STX8: variants seen among roughly 807,000 people sequenced by gnomAD.
The protein encoded by STX8 is syntaxin 8.
Under a neutral mutation model 37.5 loss-of-function variants are expected in STX8, and 23 were observed. The ratio of observed to expected loss-of-function variants is 0.61; its 90% CI spans 0.44 to 0.87. STX8 has a LOEUF of 0.87. STX8 is among the 40% of genes least tolerant of loss of function. STX8 has a pLI of 0.00. For synonymous variants in STX8, 115 were observed against 99.1 expected (o/e 1.16, Z -0.95); for missense variants, 313 against 284.7 (o/e 1.10, Z -0.71).
intron 7 of STX8, among the ~76,000 whole-genome samples, chr17:9,288,886 T>A (rs1369716746): frequency 6.6e-6 from 1 of 151,998 alleles, no homozygotes; most frequent in Non-Finnish European, 1.5e-5. Context: ...ATGAAAGCTA[T>A]AAGAAAATGT....
intron 6 of STX8, among the ~76,000 whole-genome samples, chr17:9,391,521 C>T (rs1481861389): frequency 6.6e-6 from 1 of 151,988 alleles, no homozygotes; most frequent in East Asian, 1.9e-4. Context: ...TACACACACA[C>T]ACTCATGCAG....
intron 6 of STX8, among the ~76,000 whole-genome samples, chr17:9,448,434 C>G (rs918403618): frequency 1.3e-5 from 2 of 152,184 alleles, no homozygotes; most frequent in African/African-American, 2.4e-5. Flanking sequence ...TGTGTTTAGT[C>G]TTTCACATTT....
intron 7 of STX8, among the ~76,000 whole-genome samples, chr17:9,368,287 G>C (rs1014580526): frequency 1.3e-5 from 2 of 152,022 alleles, no homozygotes; most frequent in Non-Finnish European, 2.9e-5. Flanking sequence ...GGCCAATCAC[G>C]AGGTCAGGAG....
intron 6 of STX8, among the ~76,000 whole-genome samples, chr17:9,455,274 C>T (rs12941612): frequency 0.15 from 22,920 of 151,486 alleles, 1,921 homozygotes; most frequent in Middle Eastern, 0.22. Flanking sequence ...CCGAGGTGGG[C>T]GGATCATGAG....
intron 7 of STX8, among the ~76,000 whole-genome samples, chr17:9,273,617 C>T (rs751614205): frequency 5.3e-5 from 8 of 152,234 alleles, no homozygotes; most frequent in African/African-American, 7.2e-5. Context: ...TTCCTCATGG[C>T]GCTACGCAGG....
At chr17:9,506,563 CA>C (rs1424979382) in intron 4 of STX8, among the ~76,000 whole-genome samples, 1 of 152,126 alleles carries the variant, frequency 6.6e-6, no homozygotes, top group Non-Finnish European at 1.5e-5. Context: ...TGAAGGCCCC[CA>C]GCCTCTGTGG....
At chr17:9,355,605 C>A (rs756731498) in intron 7 of STX8, among the ~76,000 whole-genome samples, 1 of 151,292 alleles carries the variant, frequency 6.6e-6, no homozygotes, top group Non-Finnish European at 1.5e-5. Context: ...CGAGTTCAAG[C>A]GATTCTCCTG....
In STX8 at chr17:9,428,169, A is replaced by T. The variant is rs147682368; in HGVS notation, c.542-49516T>A. Among the ~76,000 whole-genome samples the T allele has an allele frequency of 7.9e-3, 1,201 of 152,306 alleles. 8 individuals are homozygous for T. Among genetic ancestry groups the T allele is most frequent in the Non-Finnish European group, 0.013 (865 of 68,016 alleles). On this transcript the variant is annotated intron_variant, in intron 6 of 7. Coordinates refer to ENST00000306357, the MANE Select transcript of STX8 (RefSeq NM_004853.3). ...AGGGGGTAGTCATCCTGTGAGAGGTAAATTCTCTTGACATCCATGACAATT... is the reference window on the plus strand; with the variant it reads ...AGGGGGTAGTCATCCTGTGAGAGGTTAATTCTCTTGACATCCATGACAATT...
intron 7 of STX8, among the ~76,000 whole-genome samples, chr17:9,332,780 C>T (rs1036709870): frequency 3.3e-5 from 5 of 152,126 alleles, no homozygotes; most frequent in Non-Finnish European, 5.9e-5. Context: ...TTTACTATCT[C>T]GATTCCCTCC....
intron 7 of STX8, among the ~76,000 whole-genome samples, chr17:9,263,538 T>C (rs1254037505): frequency 6.6e-6 from 1 of 152,188 alleles, no homozygotes; most frequent in Non-Finnish European, 1.5e-5. Context: ...TAATTTGTCT[T>C]AAATGTCTTT....
At chr17:9,460,069 C>T (rs1044740113) in intron 6 of STX8, among the ~76,000 whole-genome samples, 1 of 152,136 alleles carries the variant, frequency 6.6e-6, no homozygotes. Context: ...ACAATGGCTT[C>T]ATAAAGGGCA....
chr17:9,347,245 C>T (rs1910565570), intron 7 of STX8, among the ~76,000 whole-genome samples: 1 of 152,168 alleles, frequency 6.6e-6, no homozygotes, highest in Admixed American at 6.6e-5. Context: ...TGCCACTCTA[C>T]ATAAAACTGT....
At chr17:9,294,525 G>C (rs539440421) in intron 7 of STX8, among the ~76,000 whole-genome samples, 1 of 152,204 alleles carries the variant, frequency 6.6e-6, no homozygotes, top group Admixed American at 6.5e-5. Context: ...ACACTCTTTA[G>C]AGCAGACAAC....
intron 6 of STX8, among the ~76,000 whole-genome samples, chr17:9,422,581 G>A (rs1567553538): frequency 6.6e-6 from 1 of 152,222 alleles, no homozygotes; most frequent in Non-Finnish European, 1.5e-5. Context: ...CTTTCACTTG[G>A]CAGGATGTTT....
At chr17:9,428,302 G>A (rs576288707) in intron 6 of STX8, among the ~76,000 whole-genome samples, 5 of 152,282 alleles carry the variant, frequency 3.3e-5, no homozygotes, top group South Asian at 2.1e-4. Flanking sequence ...GGGCAGTGGC[G>A]CGATCTCGGC....
At chr17:9,532,587 A>G (rs896946953) in intron 4 of STX8, among the ~76,000 whole-genome samples, 1 of 152,232 alleles carries the variant, frequency 6.6e-6, no homozygotes, top group South Asian at 2.1e-4. Context: ...CATTGATTAC[A>G]ATTTTGTACA....
chr17:9,493,901 T>C (rs1010892875), intron 5 of STX8, among the ~76,000 whole-genome samples: 11 of 152,160 alleles, frequency 7.2e-5, no homozygotes, highest in Non-Finnish European at 1.2e-4. Context: ...GTTTATAAAT[T>C]TATAGTATAT....
intron 6 of STX8, among the ~76,000 whole-genome samples, chr17:9,484,443 T>C (rs574572296): frequency 1.5e-5 from 2 of 132,282 alleles, no homozygotes; most frequent in Non-Finnish European, 3.2e-5. Flanking sequence ...GAGGTGGGGG[T>C]TGGAGGAGGA....
chr17:9,387,667 T>A (rs1175294037), intron 6 of STX8, among the ~76,000 whole-genome samples: 1 of 152,218 alleles, frequency 6.6e-6, no homozygotes, highest in African/African-American at 2.4e-5. Context: ...TGCTTTGTAC[T>A]TGGCCTTGTA....
Sources: allele counts gnomAD v4.1 joint callset (sites outside exome capture counted in the v4.1 genomes callset), GRCh38; gene constraint gnomAD v4.1.1; transcripts MANE v1.5; gene names NCBI Gene and HGNC (gene_info 2026-07-23, HGNC 2026-07-21).